ERCC1: variants seen among roughly 807,000 people sequenced by gnomAD.
ERCC1 encodes the protein DNA excision repair protein ERCC-1.
Under a neutral mutation model 37.6 loss-of-function variants are expected in ERCC1, and 36 were observed. The ratio of observed to expected loss-of-function variants is 0.96; its 90% confidence interval spans 0.73 to 1.26. ERCC1 has a LOEUF of 1.26. Ranked by LOEUF, ERCC1 falls within the 50% of genes most tolerant of loss-of-function variation. The pLI, the probability that ERCC1 is intolerant of heterozygous loss-of-function variation, is 0.00. For synonymous variants in ERCC1, 156 were observed against 162.1 expected (o/e 0.96, Z 0.28); for missense variants, 349 against 376.5 (o/e 0.93, Z 0.60).
At chr19:45,412,581 A>T (rs755783395) in intron 9 of ERCC1, among the ~76,000 whole-genome samples, 6 of 152,166 alleles carry the variant, frequency 3.9e-5, no homozygotes, top group Middle Eastern at 3.4e-3. Context: ...CCACTTTTTG[A>T]TTGGATTATT....
At chr19:45,417,994 A>T (rs538227455) in intron 5 of ERCC1, among the ~76,000 whole-genome samples, 1 of 152,004 alleles carries the variant, frequency 6.6e-6, no homozygotes, top group Non-Finnish European at 1.5e-5. Flanking sequence ...ACCCAACCCA[A>T]TGGAAGAGGA....
chr19:45,421,898 C>A (rs1974458543), intron 2 of ERCC1, among the ~76,000 whole-genome samples: 1 of 151,800 alleles, frequency 6.6e-6, no homozygotes, highest in Admixed American at 6.6e-5. Flanking sequence ...CTCCCAAAGT[C>A]CTGGGATTAC....
At chr19:45,427,215 T>C (rs1974716050), upstream of ERCC1, among the ~76,000 whole-genome samples, 1 of 152,076 alleles carries the variant, frequency 6.6e-6, no homozygotes, top group African/African-American at 2.4e-5. Flanking sequence ...TTCTTAGTAT[T>C]GTTTCTTGCA....
At chr19:45,413,512 G>T in intron 9 of ERCC1, 165 bp downstream of exon 9, 2 of 1,497,396 alleles carry the variant, frequency 1.3e-6, no homozygotes, top group Non-Finnish European at 9.3e-7. Context: ...CTGGCCTCAA[G>T]CAGTCCTCCC....
chr19:45,443,421 G>T (rs900786821), intron 1 of ERCC1, among the ~76,000 whole-genome samples: 3 of 152,138 alleles, frequency 2.0e-5, no homozygotes, highest in Non-Finnish European at 4.4e-5. Context: ...CAACCAAGGG[G>T]ATCGCTAAGA....
chr19:45,416,667 G>T, intron 6 of ERCC1, 154 bp downstream of exon 6: 26 of 599,250 alleles, frequency 4.3e-5, no homozygotes, highest in Non-Finnish European at 5.7e-5. Context: ...TTAAGACCTT[G>T]TTTTACAGAT....
intron 1 of ERCC1, among the ~76,000 whole-genome samples, chr19:45,447,270 CTTTTTTTTTT>C: frequency 9.7e-6 from 1 of 102,740 alleles, no homozygotes; most frequent in Non-Finnish European, 1.8e-5. Context: ...AGATTTGCTT[CTTTTTTTTTT>C]TTTTTTTTTT....
intron 6 of ERCC1, 67 bp downstream of exon 6, chr19:45,416,754 G>A: frequency 8.3e-7 from 1 of 1,203,348 alleles, no homozygotes; most frequent in Non-Finnish European, 1.2e-6. Flanking sequence ...GCTGGGCAGG[G>A]TGGGATGGGG....
chr19:45,445,349 C>T lies in ERCC1; in HGVS notation c.-7-21968G>A, dbSNP rs544726650. On this transcript the variant is annotated intron_variant, in intron 1 of 8. Transcript: ENST00000423698. Reference sequence around the variant, plus strand: ...AGGTATTTATTGAGCATCTACTATACGCCAGGCACTGGTAAAGACTGTGAG... The same window carrying T: ...AGGTATTTATTGAGCATCTACTATATGCCAGGCACTGGTAAAGACTGTGAG... Among the ~76,000 whole-genome samples, 18 of 152,268 alleles carry T rather than the reference C, an allele frequency of 1.2e-4. No homozygotes were observed. In the South Asian group the frequency reaches 3.3e-3, roughly 28 times the overall value.
chr19:45,450,970 G>A (rs936418252), intron 1 of ERCC1, among the ~76,000 whole-genome samples: 2 of 136,034 alleles, frequency 1.5e-5, no homozygotes, highest in African/African-American at 5.4e-5. Context: ...CGCGAGGGCT[G>A]TTTGTCCCGG....
At chr19:45,419,731 T>G (rs1974286669) in intron 4 of ERCC1, among the ~76,000 whole-genome samples, 1 of 152,110 alleles carries the variant, frequency 6.6e-6, no homozygotes, top group African/African-American at 2.4e-5. Flanking sequence ...GGGAAAGTTG[T>G]TTAACTAGGG....
chr19:45,427,153 C>CA (rs372188862), upstream of ERCC1, among the ~76,000 whole-genome samples: 6 of 150,874 alleles, frequency 4.0e-5, no homozygotes, highest in Non-Finnish European at 5.9e-5. Context: ...AACAAACAAA[C>CA]AAAAAAACGA....
At chr19:45,416,737 G>A (rs1364169760) in intron 6 of ERCC1, 84 bp downstream of exon 6, 26 of 1,015,984 alleles carry the variant, frequency 2.6e-5, no homozygotes, top group Non-Finnish European at 3.4e-5. Flanking sequence ...GGAAGGAGAA[G>A]GGAAGGGCTG....
chr19:45,432,418 A>G (rs1016173573), intron 1 of ERCC1, among the ~76,000 whole-genome samples: 2 of 152,082 alleles, frequency 1.3e-5, no homozygotes, highest in Non-Finnish European at 2.9e-5. Context: ...TTACAGGTTT[A>G]CACCACTGCA....
chr19:45,423,705 C>A (rs1391018131), intron 1 of ERCC1, 76 bp downstream of exon 1: 2 of 1,209,902 alleles, frequency 1.7e-6, no homozygotes, highest in African/African-American at 3.0e-5. Context: ...CACGCCTGGC[C>A]TTGTCCATCT....
chr19:45,444,216 G>C (rs1975196182), intron 1 of ERCC1, among the ~76,000 whole-genome samples: 1 of 150,414 alleles, frequency 6.6e-6, no homozygotes, highest in South Asian at 2.1e-4. Flanking sequence ...CTGTCTCCTC[G>C]AACTGCCCCA....
At chr19:45,410,129 C>CGCCT (rs1247928487) in intron 9 of ERCC1, 1 of 154,726 alleles carries the variant, frequency 6.5e-6, no homozygotes, top group African/African-American at 2.4e-5. Flanking sequence ...CCTCCTGATG[C>CGCCT]GCCTGCCTCA....
intron 1 of ERCC1, among the ~76,000 whole-genome samples, chr19:45,449,672 A>G (rs1035403395): frequency 6.6e-6 from 1 of 151,882 alleles, no homozygotes; most frequent in South Asian, 2.1e-4. Flanking sequence ...CTCAAAAAAA[A>G]CCAACAAAAT....
chr19:45,443,820 C>T (rs1041517902), intron 1 of ERCC1, among the ~76,000 whole-genome samples: 2 of 151,974 alleles, frequency 1.3e-5, no homozygotes, highest in Admixed American at 1.3e-4. Context: ...CTATCTCCTC[C>T]CAACTCTACC....
Sources: gnomAD v4.1 joint callset for allele counts (sites outside exome capture counted in the v4.1 genomes callset) on GRCh38, gnomAD v4.1.1 for gene constraint, MANE v1.5 for transcripts, NCBI Gene and HGNC (gene_info 2026-07-23, HGNC 2026-07-21) for gene names.